DCAF6: variants seen among roughly 807,000 people sequenced by gnomAD.
DCAF6 encodes DDB1- and CUL4-associated factor 6.
Under a neutral mutation model 125.1 loss-of-function variants are expected in DCAF6, and 54 were observed. The ratio of observed to expected loss-of-function variants is 0.43; its 90% CI spans 0.35 to 0.54. The LOEUF (loss-of-function observed/expected upper bound fraction) is 0.54. DCAF6 is among the 20% of genes least tolerant of loss of function. The probability of loss-of-function intolerance (pLI) is 0.01; values close to 1 mark genes in which losing one functional copy is unlikely to be tolerated. For synonymous variants in DCAF6, 371 were observed against 390.4 expected (o/e 0.95, Z 0.58); for missense variants, 934 against 1,161.7 (o/e 0.80, Z 2.85).
the DCAF6 span, among the ~76,000 whole-genome samples, chr1:167,877,009 CCAAGA>C: frequency 6.6e-6 from 1 of 151,978 alleles, no homozygotes; most frequent in African/African-American, 2.4e-5. Context: ...CGTGAATAAG[CCAAGA>C]CAAGATCAAC....
At chr1:167,870,157 A>G in the DCAF6 span, 1 of 1,292,906 alleles carries the variant, frequency 7.7e-7, no homozygotes, top group East Asian at 2.3e-5. Flanking sequence ...ATTGTAGGTT[A>G]TAGATAATTT....
chr1:167,960,638 A>G (rs566775946), intron 2 of DCAF6, among the ~76,000 whole-genome samples: 91 of 152,250 alleles, frequency 6.0e-4, no homozygotes, highest in African/African-American at 2.2e-3. Flanking sequence ...TTCTCCACTT[A>G]TCTTTCTGTT....
At chr1:167,876,196 G>A in the DCAF6 span, among the ~76,000 whole-genome samples, 1 of 150,318 alleles carries the variant, frequency 6.7e-6, no homozygotes, top group South Asian at 2.1e-4. Context: ...GACAGAGGTT[G>A]CAGTGAGCCA....
At chr1:167,894,833 T>G in the DCAF6 span, among the ~76,000 whole-genome samples, 4 of 152,004 alleles carry the variant, frequency 2.6e-5, no homozygotes, top group African/African-American at 7.2e-5. Flanking sequence ...GTGTCTGAAG[T>G]TTGTAGAGGA....
chr1:167,881,084 T>G, the DCAF6 span, among the ~76,000 whole-genome samples: 3 of 152,370 alleles, frequency 2.0e-5, no homozygotes, highest in Admixed American at 2.0e-4. Context: ...CCTGCTGAGA[T>G]GTTTTTGGCT....
chr1:168,009,103 A>G (rs550835936), intron 10 of DCAF6, among the ~76,000 whole-genome samples: 6 of 149,384 alleles, frequency 4.0e-5, no homozygotes, highest in Admixed American at 1.3e-4. Flanking sequence ...GGTTCACGCC[A>G]TTCTCCTGCC....
intron 12 of DCAF6, among the ~76,000 whole-genome samples, chr1:168,028,431 C>G (rs1255869813): frequency 6.6e-6 from 1 of 152,122 alleles, no homozygotes; most frequent in South Asian, 2.1e-4. Flanking sequence ...TACAGTGATT[C>G]CATTAAGTGG....
At chr1:167,968,546 A>C (rs1460593019) in intron 3 of DCAF6, 2 of 152,358 alleles carry the variant, frequency 1.3e-5, no homozygotes, top group Non-Finnish European at 2.9e-5. Flanking sequence ...AGTATGCTAC[A>C]AAATGTCTAG....
intron 10 of DCAF6, among the ~76,000 whole-genome samples, chr1:168,010,434 T>G (rs923945825): frequency 1.3e-5 from 2 of 152,008 alleles, no homozygotes; most frequent in African/African-American, 4.8e-5. Flanking sequence ...GTAGCTAAAT[T>G]AGGAAGGTAA....
chr1:168,029,405 T>TA (rs1272474842), intron 12 of DCAF6, among the ~76,000 whole-genome samples: 1 of 152,176 alleles, frequency 6.6e-6, no homozygotes, highest in Non-Finnish European at 1.5e-5. Flanking sequence ...ATTCAACTGA[T>TA]ACGTAAATGC....
intron 16 of DCAF6, 115 bp downstream of exon 16, chr1:168,045,342 C>A: frequency 1.1e-6 from 1 of 901,064 alleles, no homozygotes; most frequent in Non-Finnish European, 1.7e-6. Flanking sequence ...AAGAGTGTCT[C>A]ATTCATATAA....
At chr1:167,995,574 G>A (rs1384921185) in intron 7 of DCAF6, among the ~76,000 whole-genome samples, 1 of 151,846 alleles carries the variant, frequency 6.6e-6, no homozygotes, top group African/African-American at 2.4e-5. Context: ...CAGCTACTTG[G>A]GAGGTTGAGG....
Position 168,015,790 on chromosome 1 carries a change from G to A in DCAF6, c.1388G>A (p.Arg463Lys), listed in dbSNP as rs1169985604. 1 of 1,480,186 alleles carries A rather than the reference G, an allele frequency of 6.8e-7. No homozygotes were observed. Among genetic ancestry groups the A allele is most frequent in the Admixed American group, 2.5e-5 (1 of 39,378 alleles). The allele number at this position is 1,480,186 out of a possible 1,614,324, so 91.7% of individuals were successfully genotyped here. Residue 463 changes from arginine (R) to lysine (K), a missense_variant, in exon 11 of 22, where the codon AGG (arginine) becomes AAG (lysine). By Grantham distance (26) the Arg-to-Lys change is conservative. This residue lies in a region of DCAF6 where 559 missense variants were observed against 635.5 expected (regional missense o/e 0.88). Coordinates refer to ENST00000367840, the MANE Select transcript of DCAF6 (RefSeq NM_001198956.2). ...HHTHHQSEFL[R>K]GPEIALLRKR... Reference sequence around the variant, plus strand: ...TTCCTATTTGTGTCAGAATTTTTAAGGGGCCCTGAGATAGCTTTGCTTCGT... The same window carrying A: ...TTCCTATTTGTGTCAGAATTTTTAAAGGGCCCTGAGATAGCTTTGCTTCGT...
the DCAF6 span, among the ~76,000 whole-genome samples, chr1:167,869,534 C>G: frequency 6.6e-6 from 1 of 152,166 alleles, no homozygotes; most frequent in Non-Finnish European, 1.5e-5. Context: ...GAACCAGACC[C>G]GAAACCAGGC....
chr1:167,891,082 C>T, the DCAF6 span, among the ~76,000 whole-genome samples: 1 of 152,070 alleles, frequency 6.6e-6, no homozygotes, highest in Non-Finnish European at 1.5e-5. Flanking sequence ...CTGTCTCAGC[C>T]TCCTGAGTAG....
At chr1:167,911,530 G>T in the DCAF6 span, among the ~76,000 whole-genome samples, 1 of 152,038 alleles carries the variant, frequency 6.6e-6, no homozygotes, top group Admixed American at 6.6e-5. Flanking sequence ...CTCTACCTTT[G>T]CCTCTTTTAA....
the DCAF6 span, chr1:167,903,788 A>T: frequency 3.6e-6 from 3 of 823,876 alleles, no homozygotes; most frequent in Non-Finnish European, 6.4e-6. Flanking sequence ...GAAGAGGAGG[A>T]GTGCTAAGCA....
rs528096642 is a variant in DCAF6 at position 168,065,391 on chromosome 1, T to G, written c.2440-199T>G. The stretch of plus-strand genomic sequence containing the variant: ...TCAAACTCCTCAGCTCAGGCAGTCC[T>G]CCTGCCTTGGCCTCCCAAAGTGCTG... On this transcript the variant is annotated intron_variant, in intron 18 of 21. Coordinates refer to ENST00000367840, the MANE Select transcript of DCAF6 (RefSeq NM_001198956.2). Among the ~76,000 whole-genome samples the G allele has an allele frequency of 1.8e-4, 28 of 152,202 alleles. 2 individuals carry two copies. The East Asian group carries it at 4.6e-3, about 25-fold the overall frequency.
chr1:167,872,070 G>A, the DCAF6 span, among the ~76,000 whole-genome samples: 1 of 152,056 alleles, frequency 6.6e-6, no homozygotes, highest in Non-Finnish European at 1.5e-5. Flanking sequence ...GGCTGGGAGC[G>A]GTGGCTCACG....
Sources: allele counts gnomAD v4.1 joint callset (sites outside exome capture counted in the v4.1 genomes callset), GRCh38; gene constraint gnomAD v4.1.1; regional missense constraint gnomAD v4.1.1; transcripts MANE v1.5; gene names NCBI Gene and HGNC (gene_info 2026-07-23, HGNC 2026-07-21).